NCMAP: variants seen among roughly 807,000 people sequenced by gnomAD.
The protein encoded by NCMAP is non-compact myelin associated protein.
In NCMAP, 8 loss-of-function variants were observed where a neutral mutation model predicts 7.8. The ratio of observed to expected loss-of-function variants is 1.02; its 90% confidence interval spans 0.60 to 1.84. The LOEUF (loss-of-function observed/expected upper bound fraction) is 1.84, where lower values mean the gene tolerates loss of function less well. Ranked by LOEUF, NCMAP falls within the 40% of genes most tolerant of loss-of-function variation. The pLI is 0.00. For synonymous variants in NCMAP, 41 were observed against 52.9 expected (o/e 0.78, Z 0.98); for missense variants, 112 against 131.4 (o/e 0.85, Z 0.72).
At position 24,606,429 on chromosome 1, in the gene NCMAP, T is replaced by A. The variant is rs369552511; in HGVS notation, c.*682T>A. 6.6e-6 allele frequency: 1 copy of A among 152,506 alleles called. No homozygotes were observed. Among genetic ancestry groups the A allele is most frequent in the African/African-American group, 2.4e-5 (1 of 41,548 alleles). 9.4% of individuals were successfully genotyped at this position (152,506 alleles called of 1,614,324 possible). A position where few individuals can be genotyped will look rare whatever the true frequency, so the allele number is the denominator to read the frequency against. ...AGTGGCCTCTAGGGTAGGAGCTTGT[T>A]GTGTTGTCCGTGGGCCTGGAATGAT... On this transcript the variant is annotated 3_prime_UTR_variant, in exon 4 of 4. Transcript: ENST00000374392.
intron 1 of NCMAP, among the ~76,000 whole-genome samples, chr1:24,588,984 G>A (rs1010635837): frequency 4.6e-5 from 7 of 152,108 alleles, no homozygotes; most frequent in South Asian, 2.1e-4. Flanking sequence ...CTGTGAAATC[G>A]GATAGACCCT....
At chr1:24,597,974 G>A (rs1652318626) in intron 2 of NCMAP, among the ~76,000 whole-genome samples, 1 of 151,836 alleles carries the variant, frequency 6.6e-6, no homozygotes, top group Non-Finnish European at 1.5e-5. Context: ...TTTGGTGGGG[G>A]TGGGGGGAAC....
intron 1 of NCMAP, among the ~76,000 whole-genome samples, chr1:24,566,883 G>T (rs1198035335): frequency 6.6e-6 from 1 of 152,154 alleles, no homozygotes; most frequent in Non-Finnish European, 1.5e-5. Flanking sequence ...GGAAATTCCA[G>T]TCCATAGCTT....
At chr1:24,599,189 A>C (rs1212112222) in intron 2 of NCMAP, among the ~76,000 whole-genome samples, 1 of 150,316 alleles carries the variant, frequency 6.7e-6, no homozygotes, top group African/African-American at 2.4e-5. Context: ...CTGAGGCAGG[A>C]GAATCGATTG....
At chr1:24,566,844 T>A (rs1436941307) in intron 1 of NCMAP, among the ~76,000 whole-genome samples, 2 of 152,094 alleles carry the variant, frequency 1.3e-5, no homozygotes, top group African/African-American at 2.4e-5. Flanking sequence ...ACTGTAGAGG[T>A]GAGTCTATGA....
rs1159652878 is a variant in NCMAP at position 24,609,138 on chromosome 1, C to T, written c.*3391C>T. On this transcript the variant is annotated 3_prime_UTR_variant, in exon 4 of 4. Transcript: ENST00000374392. Reference sequence around the variant, plus strand: ...GTGCAAGTTGAGGTGCTACTAAGTACATTAAGACACAATTGCTGCTCTCAA... The same window carrying T: ...GTGCAAGTTGAGGTGCTACTAAGTATATTAAGACACAATTGCTGCTCTCAA... The T allele has an allele frequency of 1.3e-5, 2 of 152,274 alleles. No homozygotes were observed. Among genetic ancestry groups the T allele is most frequent in the Non-Finnish European group, 2.9e-5 (2 of 68,018 alleles). 9.4% of individuals were successfully genotyped at this position (152,274 alleles called of 1,614,324 possible). A position where few individuals can be genotyped will look rare whatever the true frequency, so the allele number is the denominator to read the frequency against.
In NCMAP at chr1:24,595,428, G is replaced by T; in HGVS notation, c.-3G>T. 6.2e-7 allele frequency: 1 copy of T among 1,609,386 alleles called. No homozygotes were observed. The highest frequency in any genetic ancestry group is 1.1e-5 in the South Asian group (1 of 90,912). ...TATCTTCTTCTTTCTCATCAGGATC[G>T]AGATGACCACAGCCACCCCTCTGGG... On this transcript the variant is annotated 5_prime_UTR_variant, in exon 2 of 4. Coordinates refer to ENST00000374392, the MANE Select transcript of NCMAP (RefSeq NM_001010980.5).
intron 1 of NCMAP, among the ~76,000 whole-genome samples, chr1:24,574,706 G>C (rs1226759412): frequency 6.6e-6 from 1 of 151,948 alleles, no homozygotes; most frequent in East Asian, 1.9e-4. Flanking sequence ...GTAGACACTG[G>C]AGACGGTGTC....
At chr1:24,564,516 AAAAAAAAAAAAAAAAAC>A (rs1460127126) in intron 1 of NCMAP, among the ~76,000 whole-genome samples, 53 of 129,174 alleles carry the variant, frequency 4.1e-4, no homozygotes, top group Non-Finnish European at 6.7e-4. Flanking sequence ...TCTGTCTCAA[AAAAAAAAAAAAAAAAAC>A]AAAAAAAAAC....
intron 1 of NCMAP, among the ~76,000 whole-genome samples, chr1:24,565,914 T>C (rs982752153): frequency 2.0e-5 from 3 of 152,130 alleles, no homozygotes; most frequent in Non-Finnish European, 4.4e-5. Flanking sequence ...AATTGAATCA[T>C]CGTGGTGGTT....
intron 1 of NCMAP, among the ~76,000 whole-genome samples, chr1:24,583,643 G>T (rs938868338): frequency 1.3e-5 from 2 of 151,404 alleles, no homozygotes; most frequent in African/African-American, 4.9e-5. Context: ...TTGAACCCGG[G>T]AGGTGGAGGT....
chr1:24,582,757 G>A (rs569442611), intron 1 of NCMAP, among the ~76,000 whole-genome samples: 1 of 152,216 alleles, frequency 6.6e-6, no homozygotes, highest in East Asian at 1.9e-4. Flanking sequence ...ATTAATGTGT[G>A]TTGTTTTAAG....
intron 1 of NCMAP, among the ~76,000 whole-genome samples, chr1:24,568,177 G>C (rs1459069550): frequency 6.6e-6 from 1 of 152,078 alleles, no homozygotes; most frequent in Admixed American, 6.5e-5. Context: ...CAGAACCTGA[G>C]CCCGGGGGCA....
At chr1:24,579,733 A>G (rs1651691337) in intron 1 of NCMAP, among the ~76,000 whole-genome samples, 1 of 152,204 alleles carries the variant, frequency 6.6e-6, no homozygotes, top group Admixed American at 6.5e-5. Context: ...TGTTTCAAAA[A>G]TAAATAAATA....
intron 2 of NCMAP, among the ~76,000 whole-genome samples, chr1:24,599,666 C>T (rs1348140908): frequency 2.6e-5 from 4 of 152,074 alleles, no homozygotes; most frequent in African/African-American, 9.7e-5. Flanking sequence ...AAACCTCTGC[C>T]TCCCGGGTTC....
intron 1 of NCMAP, among the ~76,000 whole-genome samples, chr1:24,585,641 G>T (rs1242246739): frequency 6.6e-6 from 1 of 152,204 alleles, no homozygotes; most frequent in Non-Finnish European, 1.5e-5. Context: ...CCAGGATCAG[G>T]TAGCAAATGA....
chr1:24,603,339 GTAA>G (rs57971259), intron 3 of NCMAP, among the ~76,000 whole-genome samples: 8,200 of 151,734 alleles, frequency 0.054, 756 homozygotes, highest in African/African-American at 0.19. Flanking sequence ...ACAATTACAT[GTAA>G]TAATAATAAT....
chr1:24,585,325 G>A (rs1651851623), intron 1 of NCMAP, among the ~76,000 whole-genome samples: 1 of 152,110 alleles, frequency 6.6e-6, no homozygotes, highest in Admixed American at 6.5e-5. Flanking sequence ...TTCCTTTCTT[G>A]TGCACTGCTG....
intron 3 of NCMAP, among the ~76,000 whole-genome samples, chr1:24,602,325 G>C (rs1026848133): frequency 7.3e-6 from 1 of 137,112 alleles, no homozygotes; most frequent in Non-Finnish European, 1.5e-5. Context: ...ATATTATCCT[G>C]TAATCCCAGC....
Sources: allele counts gnomAD v4.1 joint callset (sites outside exome capture counted in the v4.1 genomes callset), GRCh38; gene constraint gnomAD v4.1.1; transcripts MANE v1.5; gene names NCBI Gene and HGNC (gene_info 2026-07-23, HGNC 2026-07-21).